The following DYM variants were observed in gnomAD, a reference collection of about 807,000 sequenced individuals.
The protein encoded by DYM is dymeclin.
DYM carries 78 observed loss-of-function variants against 93.1 expected under a neutral mutation model. The ratio of observed to expected loss-of-function variants is 0.84; its 90% CI spans 0.70 to 1.01. The LOEUF (loss-of-function observed/expected upper bound fraction) is 1.01. DYM is among the 50% of genes least tolerant of loss of function. The pLI is 0.00. For synonymous variants in DYM, 321 were observed against 319.7 expected (o/e 1.00, Z -0.04); for missense variants, 789 against 845.0 (o/e 0.93, Z 0.82).
rs2060075686 is a variant in DYM at position 49,291,010 on chromosome 18, C to A, written c.764-4394G>T. On this transcript the variant is annotated intron_variant, in intron 8 of 17. Transcript: ENST00000675505. ...TGTAATTTTTACTTTAACAACAAAA[C>A]AGAAAACCTCCTGATAATTTTGGAG... Among the ~76,000 whole-genome samples, 4 of 152,272 alleles carry A rather than the reference C, an allele frequency of 2.6e-5. No individual in the cohort carries two copies. The South Asian group carries it at 8.3e-4, about 32-fold the overall frequency.
chr18:49,404,969 C>T (rs920393497), intron 2 of DYM, among the ~76,000 whole-genome samples: 5 of 146,800 alleles, frequency 3.4e-5, no homozygotes, highest in African/African-American at 1.3e-4. Context: ...GCCAAGGTTG[C>T]GCCATTGCAC....
intron 13 of DYM, among the ~76,000 whole-genome samples, chr18:49,216,020 C>T (rs1433639763): frequency 6.6e-6 from 1 of 152,226 alleles, no homozygotes; most frequent in Non-Finnish European, 1.5e-5. Flanking sequence ...TGACAGATGG[C>T]ACCTGGAAAA....
chr18:49,118,112 C>T (rs973784124), intron 16 of DYM, among the ~76,000 whole-genome samples: 7 of 145,838 alleles, frequency 4.8e-5, no homozygotes, highest in East Asian at 2.1e-4. Context: ...TGGGTTCAAG[C>T]GATTCTCCTG....
chr18:49,408,765 C>A (rs192650283), intron 2 of DYM, among the ~76,000 whole-genome samples: 4 of 152,234 alleles, frequency 2.6e-5, no homozygotes, highest in Non-Finnish European at 5.9e-5. Flanking sequence ...TTAGAAGGAA[C>A]CCTATTCAAC....
chr18:49,133,599 A>G (rs930101437), intron 15 of DYM, among the ~76,000 whole-genome samples: 6 of 152,176 alleles, frequency 3.9e-5, no homozygotes, highest in Non-Finnish European at 1.5e-5. Context: ...TCCTGCTGGT[A>G]TAAGCTTGGA....
intron 2 of DYM, among the ~76,000 whole-genome samples, chr18:49,428,045 C>T (rs956825378): frequency 2.0e-5 from 3 of 151,494 alleles, no homozygotes; most frequent in South Asian, 2.1e-4. Context: ...GAGCTACGAT[C>T]GCACCACTGC....
intron 14 of DYM, 124 bp downstream of exon 14, chr18:49,209,427 A>G (rs983592859): frequency 3.0e-5 from 19 of 637,176 alleles, no homozygotes; most frequent in Non-Finnish European, 4.0e-5. Context: ...AAAATTATTT[A>G]GTACCATTTC....
chr18:49,260,462 C>T (rs1159314022), intron 11 of DYM, among the ~76,000 whole-genome samples: 1 of 152,072 alleles, frequency 6.6e-6, no homozygotes, highest in African/African-American at 2.4e-5. Flanking sequence ...ACGTCATAGC[C>T]ACTTAAAAAT....
chr18:49,291,581 T>G (rs142872450), intron 8 of DYM, among the ~76,000 whole-genome samples: 1 of 152,198 alleles, frequency 6.6e-6, no homozygotes, highest in African/African-American at 2.4e-5. Context: ...ATTTTCAGTA[T>G]AGGTATAAGC....
At chr18:49,164,481 G>A (rs532026890) in intron 14 of DYM, among the ~76,000 whole-genome samples, 50 of 152,328 alleles carry the variant, frequency 3.3e-4, no homozygotes, top group African/African-American at 1.1e-3. Context: ...TATGGTCCAG[G>A]AAGGTGGGAC....
chr18:49,061,358 G>A (rs1454069042), intron 17 of DYM, among the ~76,000 whole-genome samples: 1 of 152,158 alleles, frequency 6.6e-6, no homozygotes, highest in Non-Finnish European at 1.5e-5. Context: ...AATAATAGAA[G>A]CACAGACAGG....
At chr18:49,272,632 G>A (rs2094735806) in intron 10 of DYM, among the ~76,000 whole-genome samples, 1 of 152,216 alleles carries the variant, frequency 6.6e-6, no homozygotes, top group East Asian at 1.9e-4. Context: ...CCAAAAAGTG[G>A]GAGTAGCGGG....
At chr18:49,437,406 A>T (rs2080953127) in intron 1 of DYM, among the ~76,000 whole-genome samples, 1 of 152,202 alleles carries the variant, frequency 6.6e-6, no homozygotes, top group Non-Finnish European at 1.5e-5. Context: ...TTTCTCAAAT[A>T]CCATATTGAT....
chr18:49,086,290 C>T (rs1236341705), intron 17 of DYM, among the ~76,000 whole-genome samples: 3 of 152,224 alleles, frequency 2.0e-5, no homozygotes, highest in Non-Finnish European at 4.4e-5. Flanking sequence ...CAAGGCAGTG[C>T]AGGGCATCAC....
chr18:49,213,516 A>G (rs1437217021), intron 13 of DYM, among the ~76,000 whole-genome samples: 1 of 152,172 alleles, frequency 6.6e-6, no homozygotes, highest in African/African-American at 2.4e-5. Flanking sequence ...GGGTTTCCCC[A>G]TATTGGTCAA....
At chr18:49,089,947 C>T (rs559077238) in intron 17 of DYM, among the ~76,000 whole-genome samples, 10 of 152,312 alleles carry the variant, frequency 6.6e-5, no homozygotes, top group Admixed American at 4.6e-4. Context: ...TTCCCATTTG[C>T]TTCCTTCTCA....
chr18:49,202,291 C>A (rs2092062306), intron 14 of DYM, among the ~76,000 whole-genome samples: 1 of 152,340 alleles, frequency 6.6e-6, no homozygotes, highest in Middle Eastern at 3.4e-3. Flanking sequence ...GGTGGTGGAA[C>A]ACAACAGAAA....
intron 15 of DYM, among the ~76,000 whole-genome samples, chr18:49,144,566 T>C (rs1014265479): frequency 6.6e-6 from 1 of 152,166 alleles, no homozygotes; most frequent in African/African-American, 2.4e-5. Context: ...GCAGGACAAA[T>C]CCCCAGTTCC....
In DYM at chr18:49,209,726, A is replaced by T; in HGVS notation, c.1461-11T>A. 1 of 1,243,430 alleles carries T rather than the reference A, an allele frequency of 8.0e-7. No individual in the cohort carries two copies. Among genetic ancestry groups the T allele is most frequent in the Non-Finnish European group, 1.0e-6 (1 of 963,228 alleles). 77.0% of individuals were successfully genotyped at this position (1,243,430 alleles called of 1,614,324 possible). ...TGGCGGCAGGTATAACTGAAAGACAAAGGTAAAAGGAGAGAAACAGAAAGA... is the reference window on the plus strand; with the variant it reads ...TGGCGGCAGGTATAACTGAAAGACATAGGTAAAAGGAGAGAAACAGAAAGA... On this transcript the variant is annotated splice_polypyrimidine_tract_variant and intron_variant, in intron 13 of 17. Coordinates refer to ENST00000675505, the MANE Select transcript of DYM (RefSeq NM_001353214.3).
Sources: allele counts gnomAD v4.1 joint callset (sites outside exome capture counted in the v4.1 genomes callset), GRCh38; gene constraint gnomAD v4.1.1; transcripts MANE v1.5; gene names NCBI Gene and HGNC (gene_info 2026-07-23, HGNC 2026-07-21).